DTNA: variants seen among roughly 807,000 people sequenced by gnomAD.
DTNA encodes the protein dystrobrevin alpha, also known as dystrophin-related protein 3.
In DTNA, 43 loss-of-function variants were observed where a neutral mutation model predicts 100.7. That is an observed-to-expected ratio of 0.43 (90% CI 0.33 to 0.55). The LOEUF (loss-of-function observed/expected upper bound fraction) is 0.55, where lower values mean the gene tolerates loss of function less well. DTNA is among the 20% of genes least tolerant of loss of function. DTNA has a pLI of 0.04. For synonymous variants in DTNA, 349 were observed against 347.9 expected, an observed-to-expected ratio of 1.00 and a Z score of -0.04; for missense variants, 798 against 953.9, an observed-to-expected ratio of 0.84 and a Z score of 2.15.
chr18:34,874,260 A>G (rs914978333), intron 17 of DTNA, among the ~76,000 whole-genome samples: 2 of 152,166 alleles, frequency 1.3e-5, no homozygotes, highest in African/African-American at 4.8e-5. Flanking sequence ...TTCTCACTCT[A>G]GCAACCACAG....
At chr18:34,753,215 A>G (rs1312513051) in intron 1 of DTNA, among the ~76,000 whole-genome samples, 2 of 152,216 alleles carry the variant, frequency 1.3e-5, no homozygotes, top group Non-Finnish European at 2.9e-5. Context: ...AGTGTTAAAT[A>G]GGAGTAGAGT....
intron 22 of DTNA, among the ~76,000 whole-genome samples, 185 bp from the exon 23 acceptor site, chr18:34,887,581 A>G (rs531909155): frequency 5.9e-5 from 9 of 152,258 alleles, no homozygotes; most frequent in Non-Finnish European, 1.2e-4. Flanking sequence ...AGAAGGTGCA[A>G]TAGCACAGTG....
intron 1 of DTNA, among the ~76,000 whole-genome samples, chr18:34,607,891 C>T (rs533064218): frequency 2.6e-5 from 4 of 152,240 alleles, no homozygotes; most frequent in South Asian, 2.1e-4. Flanking sequence ...GGTAGCATTT[C>T]GATACTCAGT....
chr18:34,755,491 G>A (rs373687719), intron 1 of DTNA: 1 of 171,762 alleles, frequency 5.8e-6, no homozygotes, highest in East Asian at 1.6e-4. Flanking sequence ...GTGTATAAGG[G>A]ACAACTGGCA....
chr18:34,644,674 A>T (rs982517157), intron 1 of DTNA, among the ~76,000 whole-genome samples: 5 of 152,108 alleles, frequency 3.3e-5, no homozygotes, highest in South Asian at 4.1e-4. Flanking sequence ...GGCTTAAAAA[A>T]TTTTTTGAGC....
Position 34,785,735 on chromosome 18 carries a change from G to A in DTNA, c.149-8302G>A, listed in dbSNP as rs539093270. Among the ~76,000 whole-genome samples, 148 of 152,222 alleles carry A rather than the reference G, an allele frequency of 9.7e-4. 6 individuals are homozygous for A. Among genetic ancestry groups the A allele is most frequent in the Non-Finnish European group, 8.2e-4 (56 of 68,030 alleles). On this transcript the variant is annotated intron_variant, in intron 3 of 22. Transcript: ENST00000444659. Reference sequence around the variant, plus strand: ...TTGAATATTTTGAAATCTAAAAGGAGAGAAAATAGATTATTATTGCATGCT... The same window carrying A: ...TTGAATATTTTGAAATCTAAAAGGAAAGAAAATAGATTATTATTGCATGCT...
intron 1 of DTNA, among the ~76,000 whole-genome samples, chr18:34,673,800 C>CT (rs1432909641): frequency 2.6e-5 from 4 of 152,148 alleles, no homozygotes; most frequent in Non-Finnish European, 4.4e-5. Flanking sequence ...TTACTTTAAC[C>CT]TAAGTGATAA....
intron 13 of DTNA, among the ~76,000 whole-genome samples, chr18:34,846,264 G>A (rs1786604): frequency 0.1 from 15,658 of 151,336 alleles, 851 homozygotes; most frequent in Non-Finnish European, 0.11. Context: ...AATTTGAAAA[G>A]CACTGCTCTA....
chr18:34,882,345 G>T (rs1394705158), intron 21 of DTNA, 144 bp downstream of exon 21: 3 of 1,167,192 alleles, frequency 2.6e-6, no homozygotes, highest in Non-Finnish European at 3.6e-6. Context: ...CTTAATCCGT[G>T]TCTTTTAGAC....
chr18:34,603,087 T>G (rs2052302174), intron 1 of DTNA, among the ~76,000 whole-genome samples: 1 of 151,758 alleles, frequency 6.6e-6, no homozygotes, highest in Non-Finnish European at 1.5e-5. Context: ...CTGAGCGTGG[T>G]GGTGTGTGCC....
chr18:34,549,421 A>G (rs187760946), intron 1 of DTNA, among the ~76,000 whole-genome samples: 1 of 152,136 alleles, frequency 6.6e-6, no homozygotes, highest in Non-Finnish European at 1.5e-5. Context: ...TTTGATTTAA[A>G]GGCATTGAAA....
intron 8 of DTNA, 153 bp downstream of exon 8, chr18:34,818,483 A>G: frequency 1.3e-6 from 2 of 1,524,524 alleles, no homozygotes; most frequent in Non-Finnish European, 1.8e-6. Context: ...TCTCCACCCT[A>G]CTGCGTGCTC....
At chr18:34,808,846 T>C (rs948215286) in intron 5 of DTNA, among the ~76,000 whole-genome samples, 7 of 152,098 alleles carry the variant, frequency 4.6e-5, no homozygotes, top group Non-Finnish European at 1.0e-4. Flanking sequence ...AGTTTTCTAG[T>C]CTGCAGAAAC....
chr18:34,837,577 C>T (rs1460940388), intron 11 of DTNA, among the ~76,000 whole-genome samples: 1 of 152,158 alleles, frequency 6.6e-6, no homozygotes, highest in Non-Finnish European at 1.5e-5. Flanking sequence ...CTCTGTTCCT[C>T]TGAAAATTTT....
chr18:34,726,373 C>T (rs1313937247), intron 1 of DTNA, among the ~76,000 whole-genome samples: 1 of 152,164 alleles, frequency 6.6e-6, no homozygotes, highest in Non-Finnish European at 1.5e-5. Context: ...TTCCTCATAG[C>T]CTCCAAGTCT....
chr18:34,607,923 G>T (rs944700071), intron 1 of DTNA, among the ~76,000 whole-genome samples: 1 of 152,162 alleles, frequency 6.6e-6, no homozygotes, highest in African/African-American at 2.4e-5. Context: ...TCTACTGATG[G>T]CTCTGTTTAA....
At chr18:34,753,038 T>A (rs2092449614) in intron 1 of DTNA, among the ~76,000 whole-genome samples, 1 of 152,240 alleles carries the variant, frequency 6.6e-6, no homozygotes, top group African/African-American at 2.4e-5. Context: ...AAACCAAACT[T>A]AGCTTGTTTT....
At chr18:34,624,121 A>AGT (rs2056958862) in intron 1 of DTNA, among the ~76,000 whole-genome samples, 1 of 152,218 alleles carries the variant, frequency 6.6e-6, no homozygotes, top group Non-Finnish European at 1.5e-5. Flanking sequence ...AGAAAGAAAT[A>AGT]GTGTCATATT....
intron 1 of DTNA, among the ~76,000 whole-genome samples, chr18:34,670,240 A>G (rs1278369848): frequency 6.6e-5 from 10 of 152,120 alleles, no homozygotes; most frequent in South Asian, 4.1e-4. Flanking sequence ...TGCATTCGTC[A>G]CGTAGTTCTC....
Sources: gnomAD v4.1 joint callset for allele counts (sites outside exome capture counted in the v4.1 genomes callset) on GRCh38, gnomAD v4.1.1 for gene constraint, MANE v1.5 for transcripts, NCBI Gene and HGNC (gene_info 2026-07-23, HGNC 2026-07-21) for gene names.